ST6GAL2: variants seen among roughly 807,000 people sequenced by gnomAD.
ST6GAL2 encodes the protein beta-galactoside alpha-2,6-sialyltransferase 2.
ST6GAL2 carries 24 observed loss-of-function variants against 37.5 expected under a neutral mutation model. The ratio of observed to expected loss-of-function variants is 0.64; its 90% CI spans 0.46 to 0.90. The LOEUF is 0.90. Among genes scored for constraint, ST6GAL2 ranks in the 40% least tolerant of loss-of-function variants. The pLI is 0.00. For synonymous variants in ST6GAL2, 306 were observed against 295.1 expected (o/e 1.04, Z -0.38); for missense variants, 715 against 712.7 (o/e 1.00, Z -0.04).
rs796461618 is a variant in ST6GAL2, at chr2:106,884,932, TATACATAC to T, written c.-58+1153_-58+1160del. On this transcript the variant is annotated intron_variant, in intron 1 of 5. Transcript: ENST00000409382. ...ATATATATATATATATATATATATATATACATACACACACACACATATATACATATGTG... is the reference window on the plus strand; with the variant it reads ...ATATATATATATATATATATATATATACACACACACATATATACATATGTG... Among the ~76,000 whole-genome samples the T allele has an allele frequency of 1.2e-3, 138 of 115,408 alleles. 2 individuals are homozygous for T. The highest frequency in any genetic ancestry group is 1.4e-3 in the Non-Finnish European group (84 of 59,744). The allele number at this position is 115,408 out of a possible 152,430, so 75.7% of individuals were successfully genotyped here. A position where few individuals can be genotyped will look rare whatever the true frequency, so the allele number is the denominator to read the frequency against.
chr2:106,834,230 A>G lies in ST6GAL2; in HGVS notation c.944-84T>C, dbSNP rs111556609. On this transcript the variant is annotated intron_variant, in intron 2 of 5. Transcript: ENST00000409382. ...AAAAAATGTTAAAGCAAATCTTTCAATACCTGAAGCTAATTATACATCACC... is the reference window on the plus strand; with the variant it reads ...AAAAAATGTTAAAGCAAATCTTTCAGTACCTGAAGCTAATTATACATCACC... 4.4e-6 allele frequency: 4 copies of G among 907,372 alleles called. No individual in the cohort carries two copies. In the South Asian group the frequency reaches 5.6e-5, roughly 13 times the overall value. The allele number at this position is 907,372 out of a possible 1,614,324, so 56.2% of individuals were successfully genotyped here.
intron 5 of ST6GAL2, chr2:106,823,098 A>G (rs1676067359): frequency 2.0e-5 from 3 of 152,160 alleles, no homozygotes; most frequent in Admixed American, 2.0e-4. Context: ...TGTGTTCTTC[A>G]AATTTTGAAA....
At chr2:106,848,331 G>A (rs958391710) in intron 1 of ST6GAL2, among the ~76,000 whole-genome samples, 4 of 152,226 alleles carry the variant, frequency 2.6e-5, no homozygotes, top group Non-Finnish European at 4.4e-5. Context: ...TACCAAGGCT[G>A]CAGCAGCTGA....
At chr2:106,885,979 C>G (rs1678967669) in intron 1 of ST6GAL2, 114 bp downstream of exon 1, 1 of 152,342 alleles carries the variant, frequency 6.6e-6, no homozygotes, top group Non-Finnish European at 1.5e-5. Flanking sequence ...TTCAACATTC[C>G]CCACACACGG....
At chr2:106,881,176 A>T (rs1678735997) in intron 1 of ST6GAL2, among the ~76,000 whole-genome samples, 1 of 151,930 alleles carries the variant, frequency 6.6e-6, no homozygotes, top group Non-Finnish European at 1.5e-5. Flanking sequence ...TTTTGTAGTT[A>T]TGGGGGTCTT....
intron 1 of ST6GAL2, among the ~76,000 whole-genome samples, chr2:106,883,803 T>C (rs973814872): frequency 6.6e-6 from 1 of 152,202 alleles, no homozygotes; most frequent in African/African-American, 2.4e-5. Context: ...AGCAAATGCA[T>C]TAACAAAGAC....
upstream of ST6GAL2, chr2:106,887,137 T>TCC (rs1051173801): frequency 6.6e-6 from 1 of 151,414 alleles, no homozygotes; most frequent in African/African-American, 2.4e-5. Context: ...GTCCAACACC[T>TCC]CCCCCCGCCA....
At chr2:106,887,080 G>A (rs1463241263), upstream of ST6GAL2, 4 of 152,412 alleles carry the variant, frequency 2.6e-5, no homozygotes, top group South Asian at 4.1e-4. Flanking sequence ...GCGGCCAGGA[G>A]GGAGTCCCGG....
rs533507638 is a variant in ST6GAL2 at position 106,877,555 on chromosome 2, T to TC, written c.-58+8537dup. On this transcript the variant is annotated intron_variant, in intron 1 of 5. Coordinates refer to ENST00000409382, the MANE Select transcript of ST6GAL2 (RefSeq NM_001142351.2). Reference sequence around the variant, plus strand: ...GGGCCTGTGACTTAGTCTCTATTTCTCCCCCACCTTAGAGACTGTCAGTAC... The same window carrying TC: ...GGGCCTGTGACTTAGTCTCTATTTCTCCCCCCACCTTAGAGACTGTCAGTAC... 2.4e-3 allele frequency among the ~76,000 whole-genome samples: 366 copies of TC among 152,260 alleles called. 1 individual carries two copies. The highest frequency in any genetic ancestry group is 4.5e-3 in the Admixed American group (69 of 15,286).
In ST6GAL2 at chr2:106,844,056, G is replaced by A. The variant is rs934957542; in HGVS notation, c.-57-22C>T. 4.1e-6 allele frequency: 5 copies of A among 1,216,268 alleles called. No individual in the cohort carries two copies. The African/African-American group carries it at 7.5e-5, about 18-fold the overall frequency. 75.3% of individuals were successfully genotyped at this position (1,216,268 alleles called of 1,614,324 possible). Reference sequence around the variant, plus strand: ...GAACCTGAAAAACAGCCAGATGGCAGTTAGCCAACATGGGGCATCTGCTCA... The same window carrying A: ...GAACCTGAAAAACAGCCAGATGGCAATTAGCCAACATGGGGCATCTGCTCA... On this transcript the variant is annotated intron_variant, in intron 1 of 5. Coordinates refer to ENST00000409382, the MANE Select transcript of ST6GAL2 (RefSeq NM_001142351.2).
intron 5 of ST6GAL2, among the ~76,000 whole-genome samples, chr2:106,818,379 ACT>A (rs1156245326): frequency 3.9e-5 from 6 of 152,014 alleles, no homozygotes; most frequent in Non-Finnish European, 7.4e-5. Context: ...AGAGGGAAAG[ACT>A]CTGTTTGTTT....
chr2:106,827,183 C>G (rs1291202858), intron 5 of ST6GAL2, among the ~76,000 whole-genome samples: 1 of 152,128 alleles, frequency 6.6e-6, no homozygotes, highest in African/African-American at 2.4e-5. Context: ...TTGGAGAACA[C>G]TTTTTGATAG....
intron 2 of ST6GAL2, among the ~76,000 whole-genome samples, chr2:106,837,894 T>C (rs977207697): frequency 2.6e-5 from 4 of 152,144 alleles, no homozygotes; most frequent in African/African-American, 9.7e-5. Context: ...GAGGTGGTAT[T>C]AGTCTGCAGA....
At chr2:106,852,213 G>T (rs1003577058) in intron 1 of ST6GAL2, among the ~76,000 whole-genome samples, 3 of 152,226 alleles carry the variant, frequency 2.0e-5, no homozygotes, top group Non-Finnish European at 4.4e-5. Context: ...GCCTGTGGTA[G>T]CGGGAGGACA....
In ST6GAL2 at chr2:106,803,707, G is replaced by GA. The variant is rs1485591917; in HGVS notation, c.*2970dup. Reference sequence around the variant, plus strand: ...AAGAACGTCTGTTGGTCCTGAGAGTGAAAAAAGGAATCCTTAACAGCTTCA... The same window carrying GA: ...AAGAACGTCTGTTGGTCCTGAGAGTGAAAAAAAGGAATCCTTAACAGCTTCA... On this transcript the variant is annotated 3_prime_UTR_variant, in exon 6 of 6. Coordinates refer to ENST00000409382, the MANE Select transcript of ST6GAL2 (RefSeq NM_001142351.2). 3.3e-5 allele frequency: 5 copies of GA among 151,920 alleles called. No homozygotes were observed. The South Asian group carries it at 1.0e-3, about 32-fold the overall frequency. 9.4% of individuals were successfully genotyped at this position (151,920 alleles called of 1,614,324 possible).
intron 1 of ST6GAL2, among the ~76,000 whole-genome samples, chr2:106,862,303 A>G (rs2104584776): frequency 6.6e-6 from 1 of 152,306 alleles, no homozygotes; most frequent in South Asian, 2.1e-4. Context: ...TGCTCTACAA[A>G]TGTTTGCAGC....
At chr2:106,861,231 G>C (rs1400952675) in intron 1 of ST6GAL2, among the ~76,000 whole-genome samples, 1 of 152,088 alleles carries the variant, frequency 6.6e-6, no homozygotes, top group Admixed American at 6.5e-5. Flanking sequence ...GAGGAATTCT[G>C]CTTTAATATC....
intron 1 of ST6GAL2, among the ~76,000 whole-genome samples, chr2:106,875,151 A>G (rs548272533): frequency 7.3e-5 from 11 of 150,678 alleles, no homozygotes; most frequent in African/African-American, 1.9e-4. Flanking sequence ...AAATTTTAAG[A>G]TATCACTTTA....
chr2:106,830,942 T>C (rs865964910), intron 4 of ST6GAL2, among the ~76,000 whole-genome samples: 15 of 152,358 alleles, frequency 9.8e-5, no homozygotes, highest in South Asian at 6.2e-4. Flanking sequence ...ACACCATGTA[T>C]GTTATTGTAT....
Sources: gnomAD v4.1 joint callset for allele counts (sites outside exome capture counted in the v4.1 genomes callset) on GRCh38, gnomAD v4.1.1 for gene constraint, MANE v1.5 for transcripts, NCBI Gene and HGNC (gene_info 2026-07-23, HGNC 2026-07-21) for gene names.